FAM53A: variants seen among roughly 807,000 people sequenced by gnomAD.
FAM53A encodes the protein family with sequence similarity 53 member A.
FAM53A carries 28 observed loss-of-function variants against 26.6 expected under a neutral mutation model. The ratio of observed to expected loss-of-function variants is 1.05; its 90% CI spans 0.78 to 1.45. The LOEUF is 1.45. Ranked by LOEUF, FAM53A falls within the 40% of genes most tolerant of loss-of-function variation. The probability of loss-of-function intolerance (pLI) is 0.00; values close to 1 mark genes in which losing one functional copy is unlikely to be tolerated. For synonymous variants in FAM53A, 290 were observed against 253.1 expected (o/e 1.15, Z -1.38); for missense variants, 650 against 575.8 (o/e 1.13, Z -1.32).
chr4:1,685,895 G>T (rs1157647906), upstream of FAM53A, among the ~76,000 whole-genome samples: 1 of 152,178 alleles, frequency 6.6e-6, no homozygotes, highest in Non-Finnish European at 1.5e-5. Context: ...CCTGAGCTGG[G>T]TTTCCATCCT....
At chr4:1,646,490 T>G (rs908640078) in intron 4 of FAM53A, among the ~76,000 whole-genome samples, 4 of 152,168 alleles carry the variant, frequency 2.6e-5, no homozygotes, top group African/African-American at 9.7e-5. Flanking sequence ...AGTCAGTCCT[T>G]TTCTTGGTAC....
At chr4:1,593,680 C>T in the FAM53A span, among the ~76,000 whole-genome samples, 6 of 152,166 alleles carry the variant, frequency 3.9e-5, no homozygotes, top group East Asian at 1.2e-3. Context: ...AATTGCAGAG[C>T]GGCTGCCGGG....
rs952531213 is a variant in FAM53A, at chr4:1,640,381, C to T, written c.*912G>A. The T allele has an allele frequency of 8.1e-5, 21 of 257,894 alleles. No individual in the cohort carries two copies. Among genetic ancestry groups the T allele is most frequent in the Non-Finnish European group, 1.5e-4 (21 of 135,726 alleles). 16.0% of individuals were successfully genotyped at this position (257,894 alleles called of 1,614,324 possible). A position where few individuals can be genotyped will look rare whatever the true frequency, so the allele number is the denominator to read the frequency against. ...GGGCCAGTGGGACTCTGACCACCAA[C>T]GCCCGGGGTTTCCTAGCAACTAAAG... On this transcript the variant is annotated 3_prime_UTR_variant, in exon 5 of 5. Transcript: ENST00000308132.
chr4:1,597,613 C>A, the FAM53A span, among the ~76,000 whole-genome samples: 1 of 152,186 alleles, frequency 6.6e-6, no homozygotes, highest in Non-Finnish European at 1.5e-5. Flanking sequence ...GAAGTCAAAC[C>A]CTCCGGGGCC....
At chr4:1,684,490 G>C (rs964172383), upstream of FAM53A, among the ~76,000 whole-genome samples, 6 of 150,566 alleles carry the variant, frequency 4.0e-5, no homozygotes, top group African/African-American at 1.5e-4. Context: ...ACCGCCCACC[G>C]AGTCCGCAGC....
chr4:1,682,756 C>T (rs1171057931), intron 1 of FAM53A, among the ~76,000 whole-genome samples: 2 of 150,940 alleles, frequency 1.3e-5, no homozygotes, highest in Non-Finnish European at 2.9e-5. Context: ...CACTATAGAG[C>T]AACTACCTCT....
downstream of FAM53A, among the ~76,000 whole-genome samples, chr4:1,638,542 G>A (rs1715950567): frequency 6.6e-6 from 1 of 152,154 alleles, no homozygotes; most frequent in Admixed American, 6.5e-5. Context: ...GCCCAGGAGA[G>A]CCAGAGGTTT....
At chr4:1,575,330 C>A in the FAM53A span, among the ~76,000 whole-genome samples, 1 of 152,212 alleles carries the variant, frequency 6.6e-6, no homozygotes, top group Non-Finnish European at 1.5e-5. Context: ...CCCATCCCAC[C>A]CTGTGCCCGA....
chr4:1,601,221 G>T, the FAM53A span, among the ~76,000 whole-genome samples: 1 of 147,682 alleles, frequency 6.8e-6, no homozygotes, highest in East Asian at 1.9e-4. Context: ...GACCCCTGGA[G>T]CCGCAACAGG....
the FAM53A span, among the ~76,000 whole-genome samples, chr4:1,584,433 A>T: frequency 6.6e-6 from 1 of 152,230 alleles, no homozygotes; most frequent in Admixed American, 6.5e-5. Flanking sequence ...TGTTGCAGTT[A>T]CTATTTCTGC....
chr4:1,642,738 C>T (rs896523217), intron 4 of FAM53A, among the ~76,000 whole-genome samples: 3 of 152,002 alleles, frequency 2.0e-5, no homozygotes, highest in Non-Finnish European at 4.4e-5. Context: ...CCATGCCACT[C>T]GTCCACTGCC....
At chr4:1,657,874 C>T (rs928984814) in intron 2 of FAM53A, among the ~76,000 whole-genome samples, 4 of 151,936 alleles carry the variant, frequency 2.6e-5, no homozygotes, top group African/African-American at 9.7e-5. Context: ...CTCCTGACCT[C>T]GTGATCCGCC....
chr4:1,638,929 C>T (rs770466714), downstream of FAM53A, among the ~76,000 whole-genome samples: 9 of 152,194 alleles, frequency 5.9e-5, no homozygotes, highest in South Asian at 2.1e-4. Flanking sequence ...CGGGAGGGGA[C>T]GCCGGGTGGA....
In FAM53A at chr4:1,659,634, G is replaced by A. The variant is rs1360212776; in HGVS notation, c.76-2166C>T. On this transcript the variant is annotated intron_variant, in intron 2 of 4. Coordinates refer to ENST00000308132, the MANE Select transcript of FAM53A (RefSeq NM_001174070.3). This position sits in a 1 kb window ranked among gnomAD's most constrained non-coding sequence, Gnocchi z 5.2. Reference sequence around the variant, plus strand: ...ACAAACAGAGCCAGGGTCCCCGGGAGACAGGAAAGGCTGGGCAGCCAGGTC... The same window carrying A: ...ACAAACAGAGCCAGGGTCCCCGGGAAACAGGAAAGGCTGGGCAGCCAGGTC... 2.0e-5 allele frequency among the ~76,000 whole-genome samples: 3 copies of A among 152,228 alleles called. No homozygotes were observed. In the East Asian group the frequency reaches 5.8e-4, roughly 29 times the overall value.
the FAM53A span, among the ~76,000 whole-genome samples, chr4:1,594,684 A>G: frequency 6.6e-6 from 1 of 151,308 alleles, no homozygotes; most frequent in Non-Finnish European, 1.5e-5. Flanking sequence ...TTCTGCAAAA[A>G]TGCAAAAGTT....
Position 1,644,459 on chromosome 4 carries a change from G to A in FAM53A, c.883-2852C>T, listed in dbSNP as rs112268609. The A allele has an allele frequency of 1.9e-4, 253 of 1,324,688 alleles. No homozygotes were observed. The African/African-American group carries it at 3.3e-3, about 17-fold the overall frequency. 82.1% of individuals were successfully genotyped at this position (1,324,688 alleles called of 1,614,324 possible). A position where few individuals can be genotyped will look rare whatever the true frequency, so the allele number is the denominator to read the frequency against. Reference sequence around the variant, plus strand: ...CAGCTCAGCGCCCAACAGCGCTAGCGAAGGCCACACGGAACTGAAGGGGCC... The same window carrying A: ...CAGCTCAGCGCCCAACAGCGCTAGCAAAGGCCACACGGAACTGAAGGGGCC... On this transcript the variant is annotated intron_variant, in intron 4 of 4. Coordinates refer to ENST00000308132, the MANE Select transcript of FAM53A (RefSeq NM_001174070.3).
At chr4:1,634,535 C>A (rs1228307737) in intron 1 of FAM53A, among the ~76,000 whole-genome samples, 1 of 152,048 alleles carries the variant, frequency 6.6e-6, no homozygotes, top group Non-Finnish European at 1.5e-5. Flanking sequence ...TCTTTTTTTT[C>A]CATTCTCTGA....
chr4:1,577,215 G>T, the FAM53A span, among the ~76,000 whole-genome samples: 5 of 152,166 alleles, frequency 3.3e-5, 1 homozygote, highest in South Asian at 1.0e-3. Flanking sequence ...CTGCAGGAGG[G>T]GAGCACACAG....
intron 1 of FAM53A, among the ~76,000 whole-genome samples, chr4:1,670,882 A>T (rs1259052480): frequency 6.6e-6 from 1 of 151,738 alleles, no homozygotes; most frequent in Admixed American, 6.6e-5. Flanking sequence ...GCCCAGACTC[A>T]CCTCTGTCCC....
Sources: allele counts gnomAD v4.1 joint callset (sites outside exome capture counted in the v4.1 genomes callset), GRCh38; gene constraint gnomAD v4.1.1; non-coding constraint Gnocchi (gnomAD v3.1); transcripts MANE v1.5; gene names NCBI Gene and HGNC (gene_info 2026-07-23, HGNC 2026-07-21).